Variants in FHAD1 observed in about 807,000 individuals in gnomAD.
The protein encoded by FHAD1 is forkhead associated phosphopeptide binding domain 1, also known as forkhead-associated domain-containing protein 1.
In FHAD1, 146 loss-of-function variants were observed where a neutral mutation model predicts 191.3. The observed-to-expected ratio is 0.76, with a 90% CI of 0.67 to 0.88. The LOEUF (loss-of-function observed/expected upper bound fraction) is 0.88. Among genes scored for constraint, FHAD1 ranks in the 40% least tolerant of loss-of-function variants. The pLI is 0.00. For missense variants in FHAD1, 1,635 were observed against 1,785.8 expected, an observed-to-expected ratio of 0.92 and a Z score of 1.52; for synonymous variants, 616 against 672.3, an observed-to-expected ratio of 0.92 and a Z score of 1.29.
intron 10 of FHAD1, among the ~76,000 whole-genome samples, chr1:15,321,882 CAT>C (rs1317421055): frequency 6.6e-6 from 1 of 152,234 alleles, no homozygotes; most frequent in East Asian, 1.9e-4. Context: ...ATTCATGAAA[CAT>C]ATTTTGACTG....
chr1:15,303,247 G>C (rs1303031042), intron 6 of FHAD1, among the ~76,000 whole-genome samples: 1 of 152,182 alleles, frequency 6.6e-6, no homozygotes, highest in Non-Finnish European at 1.5e-5. Context: ...ACCTGTTTTT[G>C]AAAGAGCAAT....
At position 15,337,532 on chromosome 1, in the gene FHAD1, G is replaced by A. The variant is rs139249067; in HGVS notation, c.1907-1949G>A. 8.7e-4 allele frequency among the ~76,000 whole-genome samples: 132 copies of A among 152,250 alleles called. 1 individual carries two copies. The highest frequency in any genetic ancestry group is 2.8e-3 in the African/African-American group (117 of 41,540). ...CAGGCAACATCCAGGATCGTCTGGC[G>A]ACATTTTTGGTTGTCAAAACTGGGG... On this transcript the variant is annotated intron_variant, in intron 14 of 33. Coordinates refer to ENST00000688493, the MANE Select transcript of FHAD1 (RefSeq NM_001391957.1).
intron 6 of FHAD1, among the ~76,000 whole-genome samples, chr1:15,308,311 G>A (rs986802158): frequency 6.6e-6 from 1 of 152,200 alleles, no homozygotes; most frequent in African/African-American, 2.4e-5. Flanking sequence ...TCTGTTTATG[G>A]CTGAGAGTCC....
chr1:15,360,412 G>A (rs1570206984), intron 21 of FHAD1, 66 bp from the exon 22 acceptor site: 8 of 1,393,176 alleles, frequency 5.7e-6, no homozygotes, highest in Admixed American at 2.0e-5. Context: ...TGTGCCCAGG[G>A]GGCATATTAT....
Position 15,362,712 on chromosome 1 carries a change from G to A in FHAD1, c.3033G>A (p.Ala1011=), listed in dbSNP as rs765721007. 7.1e-6 allele frequency: 11 copies of A among 1,551,468 alleles called. No individual in the cohort carries two copies. Among genetic ancestry groups the A allele is most frequent in the African/African-American group, 4.1e-5 (3 of 73,046 alleles). The part of the protein sequence containing the change: ...PMTESSAKDM[A]YEHLIDDLLA... ...CAGAGAGCAGTGCCAAAGACATGGCGTACGAACATCTGATGTGAGTACCCG... is the reference window on the plus strand; with the variant it reads ...CAGAGAGCAGTGCCAAAGACATGGCATACGAACATCTGATGTGAGTACCCG... The change falls in exon 23 of 34, where the codon GCG becomes GCA. Residue 1011 remains alanine (A), a synonymous_variant. Coordinates refer to ENST00000688493, the MANE Select transcript of FHAD1 (RefSeq NM_001391957.1).
At chr1:15,384,631 G>C (rs1445774276) in intron 31 of FHAD1, 2 of 152,200 alleles carry the variant, frequency 1.3e-5, no homozygotes, top group Admixed American at 6.5e-5. Flanking sequence ...GCCTTCCACC[G>C]AGCGGGAGGA....
chr1:15,272,027 T>G (rs1028871610), intron 2 of FHAD1, among the ~76,000 whole-genome samples: 1 of 152,192 alleles, frequency 6.6e-6, no homozygotes, highest in African/African-American at 2.4e-5. Context: ...TTGTCCAATA[T>G]GACTCTCCCA....
Position 15,308,601 on chromosome 1 carries a change from C to T in FHAD1, c.916-12C>T. On this transcript the variant is annotated splice_polypyrimidine_tract_variant and intron_variant, in intron 6 of 33. Coordinates refer to ENST00000688493, the MANE Select transcript of FHAD1 (RefSeq NM_001391957.1). ...GCCAGCCCCCCTCTGACTGTGCCAC[C>T]TCCTCCCACAGATCAGTGCCCTACA... 5 of 1,551,630 alleles carry T rather than the reference C, an allele frequency of 3.2e-6. No individual in the cohort carries two copies. The highest frequency in any genetic ancestry group is 4.4e-6 in the Non-Finnish European group (5 of 1,146,926).
intron 19 of FHAD1, 81 bp from the exon 20 acceptor site, chr1:15,352,796 G>T: frequency 9.6e-7 from 1 of 1,043,816 alleles, no homozygotes. Context: ...TGGCTTCCAC[G>T]GTGACTCGTC....
At chr1:15,377,720 T>C (rs1466351063) in intron 28 of FHAD1, among the ~76,000 whole-genome samples, 1 of 151,594 alleles carries the variant, frequency 6.6e-6, no homozygotes, top group Non-Finnish European at 1.5e-5. Context: ...TAGTCCCAGC[T>C]ACTCAGGAGG....
At chr1:15,259,989 AAGGCCACGT>A (rs1355095033) in intron 2 of FHAD1, among the ~76,000 whole-genome samples, 6 of 152,180 alleles carry the variant, frequency 3.9e-5, no homozygotes, top group Non-Finnish European at 7.3e-5. Context: ...CACATGCAAA[AAGGCCACGT>A]AAGCTAGGCT....
intron 11 of FHAD1, chr1:15,326,745 C>T (rs1408401009): frequency 9.8e-5 from 23 of 234,008 alleles, no homozygotes; most frequent in Admixed American, 1.7e-4. Context: ...AAGAGCGCTC[C>T]CGGCCCCAGA....
intron 14 of FHAD1, among the ~76,000 whole-genome samples, chr1:15,333,824 CTTTTTTTTTTTT>C: frequency 1.5e-5 from 1 of 64,810 alleles, no homozygotes; most frequent in East Asian, 5.7e-4. Flanking sequence ...TTTTATTTAT[CTTTTTTTTTTTT>C]TTTTTTTTTT....
In FHAD1 at chr1:15,318,177, T is replaced by C. The variant is rs920161418; in HGVS notation, c.1365+249T>C. Among the ~76,000 whole-genome samples, 4 of 152,184 alleles carry C rather than the reference T, an allele frequency of 2.6e-5. No homozygotes were observed. In the East Asian group the frequency reaches 7.7e-4, roughly 29 times the overall value. On this transcript the variant is annotated intron_variant, in intron 10 of 33. Transcript: ENST00000688493. This position sits in a 1 kb window ranked among gnomAD's most constrained non-coding sequence, Gnocchi z 4.1. The stretch of plus-strand genomic sequence containing the variant: ...CTCCTCACTGCCTTCTAAAACTGTT[T>C]CTTGCTTTTTGGTAATGAGACCCAC...
At chr1:15,317,514 A>G (rs1028740613) in intron 9 of FHAD1, among the ~76,000 whole-genome samples, 12 of 152,260 alleles carry the variant, frequency 7.9e-5, no homozygotes, top group Non-Finnish European at 1.8e-4. Context: ...TCAAAAATAT[A>G]ACCCAAGAGC....
intron 2 of FHAD1, among the ~76,000 whole-genome samples, chr1:15,254,267 A>G (rs940539146): frequency 2.4e-4 from 37 of 152,222 alleles, no homozygotes; most frequent in African/African-American, 8.4e-4. Context: ...TTTTAAAAGC[A>G]CAGGCTTTGG....
intron 31 of FHAD1, among the ~76,000 whole-genome samples, chr1:15,387,072 T>A (rs951354185): frequency 1.3e-5 from 2 of 151,918 alleles, no homozygotes; most frequent in African/African-American, 4.8e-5. Context: ...TTGTATTTTT[T>A]AGTAGAGAGT....
At chr1:15,282,257 G>A (rs471308) in intron 3 of FHAD1, among the ~76,000 whole-genome samples, 44,437 of 152,100 alleles carry the variant, frequency 0.29, 6,807 homozygotes, top group Middle Eastern at 0.34. Flanking sequence ...ACTGGGTCCA[G>A]CCAGTGCTAT....
At chr1:15,303,016 A>G (rs924616828) in intron 6 of FHAD1, among the ~76,000 whole-genome samples, 1 of 152,246 alleles carries the variant, frequency 6.6e-6, no homozygotes, top group Non-Finnish European at 1.5e-5. Context: ...AGAATAGGAC[A>G]GTGTCTGTTC....
Sources: allele counts gnomAD v4.1 joint callset (sites outside exome capture counted in the v4.1 genomes callset), GRCh38; gene constraint gnomAD v4.1.1; non-coding constraint Gnocchi (gnomAD v3.1); transcripts MANE v1.5; gene names NCBI Gene and HGNC (gene_info 2026-07-23, HGNC 2026-07-21).